GOT1: variants seen among roughly 807,000 people sequenced by gnomAD.
The protein encoded by GOT1 is aspartate aminotransferase, cytoplasmic.
Under a neutral mutation model 48.2 loss-of-function variants are expected in GOT1, and 25 were observed. The observed-to-expected ratio is 0.52, with a 90% confidence interval of 0.38 to 0.72. The LOEUF (loss-of-function observed/expected upper bound fraction) is 0.72, where lower values mean the gene tolerates loss of function less well. Among genes scored for constraint, GOT1 ranks in the 30% least tolerant of loss-of-function variants. GOT1 has a pLI of 0.00. For missense variants in GOT1, 380 were observed against 520.1 expected, an observed-to-expected ratio of 0.73 and a Z score of 2.62; for synonymous variants, 188 against 193.8, an observed-to-expected ratio of 0.97 and a Z score of 0.25.
chr10:99,420,915 A>T, intron 1 of GOT1, 110 bp from the exon 2 acceptor site: 1 of 885,884 alleles, frequency 1.1e-6, no homozygotes, highest in Non-Finnish European at 1.7e-6. Flanking sequence ...AAAACAGAAC[A>T]GTGAAGGAAA....
intron 2 of GOT1, among the ~76,000 whole-genome samples, chr10:99,413,315 C>A (rs1284383224): frequency 6.6e-6 from 1 of 152,026 alleles, no homozygotes; most frequent in Non-Finnish European, 1.5e-5. Flanking sequence ...GTAGCCGATT[C>A]GATCAACTGG....
At chr10:99,419,776 C>A (rs1028350799) in intron 2 of GOT1, among the ~76,000 whole-genome samples, 2 of 152,170 alleles carry the variant, frequency 1.3e-5, no homozygotes, top group African/African-American at 4.8e-5. Context: ...AGCTGAGAAC[C>A]AGTGTCCCGG....
chr10:99,407,182 A>AGTGT (rs3045656), intron 2 of GOT1, among the ~76,000 whole-genome samples: 4 of 149,922 alleles, frequency 2.7e-5, no homozygotes, highest in East Asian at 2.0e-4. Context: ...AGGCCACATT[A>AGTGT]GTGTGTGTGT....
At chr10:99,422,462 T>C (rs1272334859) in intron 1 of GOT1, among the ~76,000 whole-genome samples, 1 of 152,222 alleles carries the variant, frequency 6.6e-6, no homozygotes, top group Non-Finnish European at 1.5e-5. Context: ...AGCTTTATTT[T>C]TGATGGGCAT....
intron 2 of GOT1, among the ~76,000 whole-genome samples, chr10:99,413,118 G>T (rs2032848743): frequency 6.6e-6 from 1 of 152,194 alleles, no homozygotes; most frequent in African/African-American, 2.4e-5. Context: ...GAGAGAAGAA[G>T]GCTTCAGAAG....
chr10:99,405,968 T>A (rs2032749905), intron 4 of GOT1, 108 bp from the exon 5 acceptor site: 1 of 804,216 alleles, frequency 1.2e-6, no homozygotes, highest in Non-Finnish European at 2.2e-6. Flanking sequence ...CATATTCTTG[T>A]CACTCTTTCA....
At chr10:99,399,228 T>G (rs1463154508) in intron 8 of GOT1, among the ~76,000 whole-genome samples, 1 of 152,034 alleles carries the variant, frequency 6.6e-6, no homozygotes, top group Non-Finnish European at 1.5e-5. Flanking sequence ...ACTGAGAGTG[T>G]GATGCCTTTA....
chr10:99,415,571 A>C (rs952467633), intron 2 of GOT1, among the ~76,000 whole-genome samples: 2 of 152,224 alleles, frequency 1.3e-5, no homozygotes, highest in Non-Finnish European at 2.9e-5. Context: ...AAAAAGAGGA[A>C]ATCCTCCCTA....
chr10:99,403,045 A>G (rs894974560), intron 7 of GOT1, among the ~76,000 whole-genome samples: 2 of 152,254 alleles, frequency 1.3e-5, no homozygotes, highest in African/African-American at 4.8e-5. Context: ...GACTTACTAA[A>G]TAAAGATTGC....
At chr10:99,415,742 C>T (rs1307122861) in intron 2 of GOT1, among the ~76,000 whole-genome samples, 8 of 152,298 alleles carry the variant, frequency 5.3e-5, no homozygotes. Flanking sequence ...AGCTTATCCA[C>T]CATGATCAAT....
chr10:99,397,673 C>T lies in GOT1; in HGVS notation c.1116G>A (p.Glu372=), dbSNP rs150817762. 9.3e-6 allele frequency: 15 copies of T among 1,614,094 alleles called. No individual in the cohort carries two copies. The highest frequency in any genetic ancestry group is 1.6e-4 in the Middle Eastern group (1 of 6,062). ...SFTGLNPKQV[E]YLVNEKHIYL... is the part of the protein sequence containing the mutation. ...AGATGTGCTTTTCATTGACCAGATA[C>T]TCAACCTGCTTGGCTGTTGAAAACC... is the stretch of plus-strand genomic sequence containing the variant. The change falls in exon 9 of 9, where the codon GAG becomes GAA. Residue 372 remains glutamate (E), a synonymous_variant. Transcript: ENST00000370508. This position sits in a 1 kb window ranked among gnomAD's most constrained non-coding sequence, Gnocchi z 5.4.
intron 1 of GOT1, among the ~76,000 whole-genome samples, chr10:99,424,716 G>T (rs909238519): frequency 6.6e-6 from 1 of 152,110 alleles, no homozygotes; most frequent in South Asian, 2.1e-4. Context: ...TGGTTGGAGA[G>T]GCATTGTGTC....
intron 8 of GOT1, among the ~76,000 whole-genome samples, chr10:99,399,095 C>T (rs55815525): frequency 0.034 from 5,129 of 152,278 alleles, 307 homozygotes; most frequent in African/African-American, 0.12. Flanking sequence ...AGAGGGCCTA[C>T]ATACAGAAGT....
At chr10:99,426,901 TG>T (rs1343670528) in intron 1 of GOT1, among the ~76,000 whole-genome samples, 2 of 152,106 alleles carry the variant, frequency 1.3e-5, no homozygotes, top group African/African-American at 4.8e-5. Flanking sequence ...TATATTAACT[TG>T]GGGGAAAAAA....
intron 1 of GOT1, among the ~76,000 whole-genome samples, chr10:99,423,148 C>A (rs942453018): frequency 2.0e-5 from 3 of 152,166 alleles, no homozygotes; most frequent in Admixed American, 2.0e-4. Context: ...CACAGCCTTA[C>A]GCACTGAGTG....
At chr10:99,401,151 T>C (rs768613671) in intron 8 of GOT1, among the ~76,000 whole-genome samples, 1 of 152,216 alleles carries the variant, frequency 6.6e-6, no homozygotes, top group Non-Finnish European at 1.5e-5. Flanking sequence ...ATTGTGAGCT[T>C]TTAGACTATT....
At chr10:99,398,964 G>A (rs1433912714) in intron 8 of GOT1, among the ~76,000 whole-genome samples, 1 of 152,174 alleles carries the variant, frequency 6.6e-6, no homozygotes, top group Admixed American at 6.5e-5. Flanking sequence ...CACTGCCCCC[G>A]TGATGCTACA....
intron 2 of GOT1, among the ~76,000 whole-genome samples, chr10:99,419,791 G>A (rs945440157): frequency 2.6e-5 from 4 of 152,018 alleles, no homozygotes; most frequent in South Asian, 2.1e-4. Flanking sequence ...TCCCGGCCTC[G>A]CTCACACATT....
chr10:99,416,146 C>T (rs1193447046), intron 2 of GOT1, among the ~76,000 whole-genome samples: 41 of 152,154 alleles, frequency 2.7e-4, no homozygotes, highest in Non-Finnish European at 1.6e-4. Context: ...AAGAGGAAGT[C>T]AAATTGTCCC....
Sources: allele counts gnomAD v4.1 joint callset (sites outside exome capture counted in the v4.1 genomes callset), GRCh38; gene constraint gnomAD v4.1.1; non-coding constraint Gnocchi (gnomAD v3.1); transcripts MANE v1.5; gene names NCBI Gene and HGNC (gene_info 2026-07-23, HGNC 2026-07-21).